The following SHANK1 variants were observed in gnomAD, a reference collection of about 807,000 sequenced individuals.
SHANK1 encodes the protein SH3 and multiple ankyrin repeat domains protein 1.
In SHANK1, 35 loss-of-function variants were observed where a neutral mutation model predicts 165.6. That is an observed-to-expected ratio of 0.21 (90% CI 0.16 to 0.28). The LOEUF is 0.28. Among genes scored for constraint, SHANK1 ranks in the 10% least tolerant of loss-of-function variants. The pLI is 1.00. For synonymous variants in SHANK1, 1,428 were observed against 1,384.8 expected, an observed-to-expected ratio of 1.03 and a Z score of -0.69; for missense variants, 2,681 against 3,036.4, an observed-to-expected ratio of 0.88 and a Z score of 2.75.
At chr19:50,694,655 T>A (rs1479732049) in intron 15 of SHANK1, among the ~76,000 whole-genome samples, 2 of 69,522 alleles carry the variant, frequency 2.9e-5, no homozygotes, top group Non-Finnish European at 5.5e-5. Context: ...GGCTGACGAG[T>A]GCGTATTAGG....
At position 50,668,018 on chromosome 19, in the gene SHANK1, C is replaced by CCCGTAGCCG; in HGVS notation, c.3933_3941dup (p.Gly1312_Gly1314dup). Reference sequence around the variant, plus strand: ...CACCCCCGTAGGCTCGGCTACCGGCCCCGTAGCCGCCGTAGCCCGCGCCGC... The same window carrying CCCGTAGCCG: ...CACCCCCGTAGGCTCGGCTACCGGCCCCGTAGCCGCCGTAGCCGCCGTAGCCCGCGCCGC... On this transcript the variant is annotated inframe_insertion, in exon 23 of 24. Transcript: ENST00000293441. 1 of 1,476,220 alleles carries CCCGTAGCCG rather than the reference C, an allele frequency of 6.8e-7. No homozygotes were observed. 91.4% of individuals were successfully genotyped at this position (1,476,220 alleles called of 1,614,324 possible).
In SHANK1 at chr19:50,661,735, C is replaced by A; in HGVS notation, c.*230G>T. On this transcript the variant is annotated 3_prime_UTR_variant, in exon 24 of 24. Coordinates refer to ENST00000293441, the MANE Select transcript of SHANK1 (RefSeq NM_016148.5). ...TTTCTCCTATCCCCCCTCCGCTCCCCGCTTCACACACACACACACACTCTT... is the reference window on the plus strand; with the variant it reads ...TTTCTCCTATCCCCCCTCCGCTCCCAGCTTCACACACACACACACACTCTT... 4.3e-6 allele frequency: 2 copies of A among 466,328 alleles called. No individual in the cohort carries two copies. The highest frequency in any genetic ancestry group is 3.6e-6 in the Non-Finnish European group (1 of 274,194). The allele number at this position is 466,328 out of a possible 1,614,324, so 28.9% of individuals were successfully genotyped here.
Position 50,662,332 on chromosome 19 carries a change from G to C in SHANK1, c.6119C>G (p.Thr2040Ser). Residue 2040 changes from threonine (T) to serine (S), a missense_variant, in exon 24 of 24, where the codon ACT becomes AGT. Thr to Ser is a moderately conservative substitution (Grantham distance 58). This residue lies in a region of SHANK1 where 1,713 missense variants were observed against 1,630.2 expected (regional missense o/e 1.05). Transcript: ENST00000293441. The surrounding 1 kb of genome is among the most constrained non-coding windows in gnomAD (Gnocchi z 7.7). ...GTCAGCCGAGCCTCCTGCCCCTCCA[G>C]TTGGGGAGCCACGGATGTCAAAGAG... Reference protein sequence around the residue: ...PGLFDIRGSPTGGAGGSADPF... With the variant: ...PGLFDIRGSPSGGAGGSADPF... The C allele has an allele frequency of 6.2e-7, 1 of 1,605,618 alleles. No homozygotes were observed. The highest frequency in any genetic ancestry group is 8.5e-7 in the Non-Finnish European group (1 of 1,174,592).
chr19:50,664,122 CTT>C (rs34384254), intron 23 of SHANK1, among the ~76,000 whole-genome samples: 1,806 of 136,580 alleles, frequency 0.013, 31 homozygotes, highest in African/African-American at 0.045. Flanking sequence ...TCTTTTCTTT[CTT>C]TTTTTTTTTT....
At chr19:50,696,920 G>A (rs914558515) in intron 15 of SHANK1, among the ~76,000 whole-genome samples, 176 bp downstream of exon 15, 1 of 152,098 alleles carries the variant, frequency 6.6e-6, no homozygotes, top group African/African-American at 2.4e-5. Flanking sequence ...CCGGGCATAG[G>A]TACAGGTACA....
At position 50,661,546 on chromosome 19, in the gene SHANK1, G is replaced by A. The variant is rs78642714; in HGVS notation, c.*419C>T. ...TGAGGGGCCTGGAGAGAGTGGGAAG[G>A]GTTGTTAGAGGGGTGGCAGGTGGTG... On this transcript the variant is annotated 3_prime_UTR_variant, in exon 24 of 24. Transcript: ENST00000293441. Among the ~76,000 whole-genome samples, 23,531 of 151,216 alleles carry A rather than the reference G, an allele frequency of 0.16. 1,980 individuals are homozygous for A. Among genetic ancestry groups the A allele is most frequent in the East Asian group, 0.2 (1,021 of 5,070 alleles).
chr19:50,689,429 CTG>C, intron 15 of SHANK1, 150 bp from the exon 16 acceptor site: 1 of 725,664 alleles, frequency 1.4e-6, no homozygotes, highest in South Asian at 1.5e-5. Flanking sequence ...GTCACCCACT[CTG>C]TGTGTGTATG....
intron 21 of SHANK1, among the ~76,000 whole-genome samples, chr19:50,685,800 C>T (rs961259989): frequency 2.6e-5 from 4 of 152,156 alleles, no homozygotes; most frequent in Admixed American, 2.0e-4. Context: ...ACACCCCCTA[C>T]AGGTTGGCCT....
At chr19:50,707,916 C>T (rs867355180) in intron 8 of SHANK1, among the ~76,000 whole-genome samples, 2 of 68,168 alleles carry the variant, frequency 2.9e-5, no homozygotes, top group Non-Finnish European at 6.2e-5. Flanking sequence ...CTTTTCTTTT[C>T]TTTTCTTTTC....
In SHANK1 at chr19:50,702,599, C is replaced by T; in HGVS notation, c.1615G>A (p.Gly539Ser). The T allele has an allele frequency of 6.3e-7, 1 of 1,599,230 alleles. No homozygotes were observed. Among genetic ancestry groups the T allele is most frequent in the Non-Finnish European group, 8.5e-7 (1 of 1,173,156 alleles). The change falls in exon 12 of 24, where the codon GGC (glycine) becomes AGC (serine). Residue 539 changes from glycine (G) to serine (S), a missense_variant. Gly to Ser is a moderately conservative substitution (Grantham distance 56). Coordinates refer to ENST00000293441, the MANE Select transcript of SHANK1 (RefSeq NM_016148.5). The surrounding 1 kb of genome is among the most constrained non-coding windows in gnomAD (Gnocchi z 5.3). ...CGCCTCCCGCGGCTGCCCAGGGAGC[C>T]CCCGGGGCCCCCTGAGCCCCCCGTG... ...GGTGGSGGPG[G>S]SLGSRGRRRK...
At position 50,716,636 on chromosome 19, in the gene SHANK1, C is replaced by A; in HGVS notation, c.255+29G>T. ...TGTCGGTTGGGGCACTGTCCCTCTC[C>A]TGCCGCTGGCCAGTGGGCAGGTACT... On this transcript the variant is annotated intron_variant, in intron 2 of 23. Transcript: ENST00000293441. This position sits in a 1 kb window ranked among gnomAD's most constrained non-coding sequence, Gnocchi z 8.4. 6.4e-7 allele frequency: 1 copy of A among 1,551,568 alleles called. No homozygotes were observed. Among genetic ancestry groups the A allele is most frequent in the Non-Finnish European group, 8.7e-7 (1 of 1,146,456 alleles).
chr19:50,666,063 T>C (rs1470843324), intron 23 of SHANK1, 129 bp downstream of exon 23: 1 of 779,694 alleles, frequency 1.3e-6, no homozygotes, highest in South Asian at 2.3e-5. Flanking sequence ...TGTGAAAGCA[T>C]GCTTCTGTGA....
intron 21 of SHANK1, among the ~76,000 whole-genome samples, chr19:50,679,588 T>C (rs1386996144): frequency 6.6e-6 from 1 of 152,078 alleles, no homozygotes; most frequent in East Asian, 1.9e-4. Flanking sequence ...CCGGGCAGAC[T>C]CCCCTTCAGT....
At position 50,697,935 on chromosome 19, in the gene SHANK1, C is replaced by G. The variant is rs1383877863; in HGVS notation, c.1769G>C (p.Gly590Ala). The G allele has an allele frequency of 6.2e-7, 1 of 1,613,702 alleles. No homozygotes were observed. The highest frequency in any genetic ancestry group is 1.3e-5 in the African/African-American group (1 of 74,918). Residue 590 changes from glycine (G) to alanine (A), a missense_variant, in exon 13 of 24, where the codon GGC becomes GCC. Physicochemically the swap from Gly to Ala is moderately conservative, Grantham distance 60 (BLOSUM62 0). This residue lies in a region of SHANK1 where 147 missense variants were observed against 256.5 expected (regional missense o/e 0.57). Transcript: ENST00000293441. The surrounding 1 kb of genome is among the most constrained non-coding windows in gnomAD (Gnocchi z 4.7). Reference sequence around the variant, plus strand: ...ACCTTTGACCTGGCCTTCCCAGAAGCCTCCTTCCCCGATGCTAAGTACTGG... The same window carrying G: ...ACCTTTGACCTGGCCTTCCCAGAAGGCTCCTTCCCCGATGCTAAGTACTGG... The part of the protein sequence containing the change: ...KIKVLSIGEG[G>A]FWEGQVKGRV...
rs906914541 is a variant in SHANK1 at position 50,717,745 on chromosome 19, G to T, written c.-43-783C>A. Reference sequence around the variant, plus strand: ...TGACAGTGGTGTGGTGGCCCGGGTAGATGTGGGTGGCTGCAGATGACCTGT... The same window carrying T: ...TGACAGTGGTGTGGTGGCCCGGGTATATGTGGGTGGCTGCAGATGACCTGT... On this transcript the variant is annotated intron_variant, in intron 1 of 23. Coordinates refer to ENST00000293441, the MANE Select transcript of SHANK1 (RefSeq NM_016148.5). The surrounding 1 kb of genome is among the most constrained non-coding windows in gnomAD (Gnocchi z 5.5). Among the ~76,000 whole-genome samples, 1 of 151,988 alleles carries T rather than the reference G, an allele frequency of 6.6e-6. No individual in the cohort carries two copies. The highest frequency in any genetic ancestry group is 2.4e-5 in the African/African-American group (1 of 41,354).
At chr19:50,705,432 A>G (rs139837867) in intron 8 of SHANK1, among the ~76,000 whole-genome samples, 23 of 152,340 alleles carry the variant, frequency 1.5e-4, no homozygotes, top group African/African-American at 5.5e-4. Flanking sequence ...GTTAAAATAA[A>G]TGTCACCTAA....
chr19:50,718,979 C>A lies in SHANK1; in HGVS notation c.-44+427G>T, dbSNP rs1039014360. Among the ~76,000 whole-genome samples, 2 of 148,774 alleles carry A rather than the reference C, an allele frequency of 1.3e-5. No individual in the cohort carries two copies. Among genetic ancestry groups the A allele is most frequent in the African/African-American group, 5.0e-5 (2 of 39,900 alleles). ...CGGGAGCTGGAGGGGTCGAAAGGGG[C>A]GGAGGAGGCCCGGGCCTAGACCCTC... On this transcript the variant is annotated intron_variant, in intron 1 of 23. Coordinates refer to ENST00000293441, the MANE Select transcript of SHANK1 (RefSeq NM_016148.5). The surrounding 1 kb of genome is among the most constrained non-coding windows in gnomAD (Gnocchi z 5.1).
In SHANK1 at chr19:50,666,881, G is replaced by C. The variant is rs1047968098; in HGVS notation, c.5079C>G (p.Ser1693Arg). 1 of 1,585,210 alleles carries C rather than the reference G, an allele frequency of 6.3e-7. No individual in the cohort carries two copies. The highest frequency in any genetic ancestry group is 8.6e-7 in the Non-Finnish European group (1 of 1,167,554). The change falls in exon 23 of 24, where the codon AGC (serine) becomes AGG (arginine). Residue 1693 changes from serine to arginine, a missense_variant. By Grantham distance (110) the Ser-to-Arg change is moderately radical. Coordinates refer to ENST00000293441, the MANE Select transcript of SHANK1 (RefSeq NM_016148.5). ...SSDHPLETIS[S>R]ASTLSSLSAE... ...CAGATAGGCTGCTCAGCGTGGAGGC[G>C]CTGCTGATGGTCTCCAGTGGGTGGT...
At chr19:50,699,433 A>G (rs1305016663) in intron 12 of SHANK1, among the ~76,000 whole-genome samples, 1 of 152,170 alleles carries the variant, frequency 6.6e-6, no homozygotes, top group Non-Finnish European at 1.5e-5. Context: ...TTTGGAGAGA[A>G]GCCAGATGGG....
Sources: allele counts gnomAD v4.1 joint callset (sites outside exome capture counted in the v4.1 genomes callset), GRCh38; gene constraint gnomAD v4.1.1; regional missense constraint gnomAD v4.1.1; non-coding constraint Gnocchi (gnomAD v3.1); transcripts MANE v1.5; gene names NCBI Gene and HGNC (gene_info 2026-07-23, HGNC 2026-07-21).